Variants in N4BP2L2 observed in about 807,000 individuals in gnomAD.
The protein encoded by N4BP2L2 is NEDD4-binding protein 2-like 2.
Under a neutral mutation model 56.2 loss-of-function variants are expected in N4BP2L2, and 50 were observed. The observed-to-expected ratio is 0.89, with a 90% CI of 0.71 to 1.13. The LOEUF (loss-of-function observed/expected upper bound fraction) is 1.13, where lower values mean the gene tolerates loss of function less well. Among genes scored for constraint, N4BP2L2 ranks in the 50% most tolerant of loss-of-function variants. N4BP2L2 has a pLI of 0.00. For missense variants in N4BP2L2, 689 were observed against 693.8 expected (o/e 0.99, Z 0.08); for synonymous variants, 203 against 223.6 (o/e 0.91, Z 0.82).
intron 6 of N4BP2L2, chr13:32,478,201 G>T: frequency 2.1e-6 from 1 of 487,160 alleles, no homozygotes; most frequent in Non-Finnish European, 3.3e-6. Flanking sequence ...AATAAAACAG[G>T]AATATTATGA....
chr13:32,485,129 C>G (rs952754617), intron 6 of N4BP2L2, among the ~76,000 whole-genome samples: 2 of 152,116 alleles, frequency 1.3e-5, no homozygotes, highest in Admixed American at 6.6e-5. Flanking sequence ...TTCCTTTATT[C>G]TCACCTTCCT....
chr13:32,515,805 T>G (rs2049080584), exon 6 of N4BP2L2: 1 of 152,056 alleles, frequency 6.6e-6, no homozygotes, highest in Admixed American at 6.6e-5. Context: ...TGGCGCAATC[T>G]CTGCTTACTG....
At chr13:32,502,002 T>G (rs1318175408) in intron 6 of N4BP2L2, among the ~76,000 whole-genome samples, 1 of 151,914 alleles carries the variant, frequency 6.6e-6, no homozygotes, top group Non-Finnish European at 1.5e-5. Flanking sequence ...GAGGAATATA[T>G]CTTTGATAAA....
chr13:32,438,733 G>C (rs2075816401), exon 8 of N4BP2L2: 2 of 1,605,962 alleles, frequency 1.2e-6, no homozygotes, highest in Non-Finnish European at 1.7e-6. Flanking sequence ...CAGGCAACAA[G>C]GATTCTGTGA....
chr13:32,517,664 G>A, exon 6 of N4BP2L2: 1 of 1,417,522 alleles, frequency 7.1e-7, no homozygotes, highest in Non-Finnish European at 9.2e-7. Context: ...AACTTGCTGG[G>A]AATTTAAACA....
exon 6 of N4BP2L2, chr13:32,517,147 G>A (rs1302347074): frequency 5.1e-6 from 5 of 985,166 alleles, no homozygotes; most frequent in Non-Finnish European, 6.0e-6. Flanking sequence ...TGTGGGGTTA[G>A]GGAGATGGGT....
intron 3 of N4BP2L2, chr13:32,526,818 G>GTTTTTGTTTT (rs2053002656): frequency 4.1e-5 from 1 of 24,234 alleles, no homozygotes; most frequent in Admixed American, 5.9e-4. Flanking sequence ...CTTTTTGTCT[G>GTTTTTGTTTT]TTTTTTTTTT....
At chr13:32,443,596 G>A (rs770855637) in exon 7 of N4BP2L2, 30 of 1,611,286 alleles carry the variant, frequency 1.9e-5, no homozygotes, top group Admixed American at 1.0e-4. Flanking sequence ...TGAAGTTTCC[G>A]CAGAAAGGTC....
At chr13:32,533,062 T>G (rs913128447) in intron 2 of N4BP2L2, among the ~76,000 whole-genome samples, 1 of 152,186 alleles carries the variant, frequency 6.6e-6, no homozygotes, top group East Asian at 1.9e-4. Context: ...TTTGTTCTTT[T>G]GCTAATAATT....
intron 2 of N4BP2L2, 113 bp downstream of exon 2, chr13:32,535,656 G>A (rs2056372517): frequency 1.7e-6 from 2 of 1,152,928 alleles, no homozygotes; most frequent in East Asian, 2.5e-5. Context: ...GGTCCACCCT[G>A]GCCTCCCAAA....
Position 32,523,259 on chromosome 13 carries a change from T to A in N4BP2L2, c.1385-989A>T, listed in dbSNP as rs536542041. 253 of 152,000 alleles carry A rather than the reference T, an allele frequency of 1.7e-3. 4 individuals carry two copies. In the South Asian group the frequency reaches 0.028, roughly 17 times the overall value. 9.4% of individuals were successfully genotyped at this position (152,000 alleles called of 1,614,324 possible). The stretch of plus-strand genomic sequence containing the variant: ...TAAAAAAATTAGCCAGGTGTGGTGG[T>A]ATGCGCCTGTAGTCCCAGCTACTTG... On this transcript the variant is annotated intron_variant, in intron 3 of 5. Coordinates refer to ENST00000267068, the Ensembl canonical transcript of N4BP2L2.
intron 2 of N4BP2L2, among the ~76,000 whole-genome samples, chr13:32,530,334 TAAAA>T (rs2054360592): frequency 6.6e-6 from 1 of 152,132 alleles, no homozygotes; most frequent in Admixed American, 6.5e-5. Flanking sequence ...TTTATGGACT[TAAAA>T]AAACACCTAT....
chr13:32,447,363 TGA>T (rs1320229536), intron 6 of N4BP2L2, among the ~76,000 whole-genome samples: 2 of 151,700 alleles, frequency 1.3e-5, no homozygotes, highest in Non-Finnish European at 2.9e-5. Flanking sequence ...GGCCCACAGC[TGA>T]GATCAACAGA....
At chr13:32,456,302 T>A (rs2078976970) in intron 6 of N4BP2L2, among the ~76,000 whole-genome samples, 2 of 152,116 alleles carry the variant, frequency 1.3e-5, no homozygotes, top group African/African-American at 4.8e-5. Context: ...ATATGGAAAC[T>A]GCATGACTTC....
At chr13:32,499,062 C>G (rs2089446956) in intron 6 of N4BP2L2, among the ~76,000 whole-genome samples, 2 of 150,552 alleles carry the variant, frequency 1.3e-5, no homozygotes, top group African/African-American at 4.9e-5. Flanking sequence ...ATTACCGTTT[C>G]TTGCCTCTAA....
rs765465792 is a variant in N4BP2L2 at position 32,438,674 on chromosome 13, A to T, written c.2168T>A (p.Leu723Ter). The T allele has an allele frequency of 4.4e-6, 7 of 1,608,022 alleles. No individual in the cohort carries two copies. The Admixed American group carries it at 1.2e-4, about 27-fold the overall frequency. Residue 723 changes from leucine to a stop codon, truncating the protein, a stop_gained, in exon 8 of 10, where the codon TTG (leucine) becomes TAG (stop). Coordinates refer to the N4BP2L2 transcript ENST00000357505. LOFTEE classifies it high-confidence loss of function. ...TACCTCCACTGACATCTTCCATTGC[A>T]AGTAGATCATCTTTAGTGTCTTCCA... is the stretch of plus-strand genomic sequence containing the variant.
At chr13:32,458,056 TTTTTG>T (rs1172489867) in intron 6 of N4BP2L2, among the ~76,000 whole-genome samples, 54 of 152,096 alleles carry the variant, frequency 3.6e-4, no homozygotes, top group Admixed American at 1.0e-3. Context: ...TTTGTTTTGT[TTTTTG>T]TTTTGTTTTG....
chr13:32,517,703 C>T (rs2049539379), exon 6 of N4BP2L2: 2 of 1,470,486 alleles, frequency 1.4e-6, no homozygotes, highest in Admixed American at 5.1e-5. Context: ...TTGTGAGGCA[C>T]TGTAGCCTTT....
exon 6 of N4BP2L2, chr13:32,516,926 G>C: frequency 1.0e-6 from 1 of 983,536 alleles, no homozygotes; most frequent in Non-Finnish European, 1.2e-6. Context: ...TTTATATGAA[G>C]AAACACATCT....
Sources: allele counts gnomAD v4.1 joint callset (sites outside exome capture counted in the v4.1 genomes callset), GRCh38; gene constraint gnomAD v4.1.1; transcripts MANE v1.5; gene names NCBI Gene and HGNC (gene_info 2026-07-23, HGNC 2026-07-21).